Variants in PCSK2 observed in about 807,000 individuals in gnomAD.
The protein encoded by PCSK2 is neuroendocrine convertase 2.
In PCSK2, 14 loss-of-function variants were observed where a neutral mutation model predicts 69.7. The observed-to-expected ratio is 0.20, with a 90% CI of 0.13 to 0.31. The LOEUF (loss-of-function observed/expected upper bound fraction) is 0.31, where lower values mean the gene tolerates loss of function less well. Ranked by LOEUF, PCSK2 falls within the 10% of genes least tolerant of loss-of-function variation. PCSK2 has a pLI of 1.00. For missense variants in PCSK2, 544 were observed against 842.5 expected (o/e 0.65, Z 4.39); for synonymous variants, 307 against 320.7 (o/e 0.96, Z 0.46).
intron 6 of PCSK2, among the ~76,000 whole-genome samples, chr20:17,414,250 G>T (rs2031944951): frequency 6.6e-6 from 1 of 152,068 alleles, no homozygotes; most frequent in South Asian, 2.1e-4. Context: ...CCAGGAGCTG[G>T]TTTTTTGAAA....
rs1038361252 is a variant in PCSK2, at chr20:17,369,184, G to C, written c.506-56G>C. ...GCACTTTCTTGGGCAGCTTTCCTGA[G>C]GACACAGTGGCAGGTATTAACCTTT... On this transcript the variant is annotated intron_variant, in intron 4 of 11. Coordinates refer to ENST00000262545, the MANE Select transcript of PCSK2 (RefSeq NM_002594.5). The C allele has an allele frequency of 7.3e-6, 11 of 1,515,224 alleles. No individual in the cohort carries two copies. The African/African-American group carries it at 1.2e-4, about 17-fold the overall frequency. 93.9% of individuals were successfully genotyped at this position (1,515,224 alleles called of 1,614,324 possible).
At chr20:17,465,238 G>A (rs1303151179) in intron 10 of PCSK2, 88 bp from the exon 11 acceptor site, 1 of 899,074 alleles carries the variant, frequency 1.1e-6, no homozygotes, top group Non-Finnish European at 1.8e-6. Context: ...TGTGTCCTGA[G>A]TAATATTTCT....
chr20:17,296,877 A>G (rs1988912692), intron 2 of PCSK2, among the ~76,000 whole-genome samples: 1 of 152,216 alleles, frequency 6.6e-6, no homozygotes, highest in South Asian at 2.1e-4. Context: ...AAGATCCTCC[A>G]TTCGTTGGAC....
intron 10 of PCSK2, among the ~76,000 whole-genome samples, chr20:17,462,682 TCAA>T (rs2033033253): frequency 6.6e-6 from 1 of 152,190 alleles, no homozygotes; most frequent in Admixed American, 6.5e-5. Context: ...TGGTAGACAC[TCAA>T]CAGACATCCA....
intron 8 of PCSK2, among the ~76,000 whole-genome samples, chr20:17,448,489 G>T (rs910118767): frequency 2.6e-5 from 4 of 152,170 alleles, no homozygotes; most frequent in African/African-American, 9.6e-5. Flanking sequence ...GCTTGTGAGA[G>T]GCTACTTAAG....
At chr20:17,417,698 G>A (rs565819207) in intron 6 of PCSK2, among the ~76,000 whole-genome samples, 20 of 152,206 alleles carry the variant, frequency 1.3e-4, no homozygotes, top group Non-Finnish European at 2.8e-4. Context: ...TGAATAAAGC[G>A]TCCCTTCCAT....
At chr20:17,365,740 A>C (rs935002769) in intron 4 of PCSK2, among the ~76,000 whole-genome samples, 4 of 152,256 alleles carry the variant, frequency 2.6e-5, no homozygotes, top group African/African-American at 9.6e-5. Context: ...ATAGGAAAGA[A>C]GAAAGGAGTA....
chr20:17,464,259 A>C (rs1600600736), intron 10 of PCSK2: 1 of 152,184 alleles, frequency 6.6e-6, no homozygotes, highest in South Asian at 2.1e-4. Context: ...CAGTCCCAAC[A>C]ACCTGTGCGA....
At position 17,229,227 on chromosome 20, in the gene PCSK2, T is replaced by C. The variant is rs149928662; in HGVS notation, c.177+1745T>C. 7.4e-3 allele frequency among the ~76,000 whole-genome samples: 1,130 copies of C among 151,922 alleles called. 5 individuals are homozygous for C. The highest frequency in any genetic ancestry group is 0.015 in the East Asian group (77 of 5,106). On this transcript the variant is annotated intron_variant, in intron 1 of 11. Coordinates refer to ENST00000262545, the MANE Select transcript of PCSK2 (RefSeq NM_002594.5). The stretch of plus-strand genomic sequence containing the variant: ...TTGAGGAAATTGGTTCAGAAAAGGG[T>C]GCGAGATAAAAACAGGCAAGGGCTT...
intron 5 of PCSK2, among the ~76,000 whole-genome samples, chr20:17,407,671 A>G (rs1424131181): frequency 6.6e-6 from 1 of 152,204 alleles, no homozygotes; most frequent in East Asian, 1.9e-4. Context: ...TGCGGGCCAG[A>G]TACAGAATTA....
intron 1 of PCSK2, 92 bp from the exon 2 acceptor site, chr20:17,260,148 G>A: frequency 1.3e-6 from 1 of 780,032 alleles, no homozygotes; most frequent in Non-Finnish European, 2.3e-6. Context: ...CCTACCCCAT[G>A]GAGCCCCTGC....
intron 1 of PCSK2, among the ~76,000 whole-genome samples, chr20:17,249,228 C>T (rs930866733): frequency 2.0e-5 from 3 of 152,116 alleles, no homozygotes; most frequent in Admixed American, 6.6e-5. Flanking sequence ...TGCATTAAGT[C>T]GGGCGCGGTG....
At chr20:17,277,790 G>A (rs1269125676) in intron 2 of PCSK2, among the ~76,000 whole-genome samples, 6 of 151,798 alleles carry the variant, frequency 4.0e-5, no homozygotes, top group Admixed American at 2.6e-4. Flanking sequence ...GCAACCTACA[G>A]AATGGGAGAA....
intron 11 of PCSK2, among the ~76,000 whole-genome samples, chr20:17,469,720 C>T (rs972721474): frequency 3.9e-5 from 6 of 152,158 alleles, no homozygotes; most frequent in African/African-American, 1.4e-4. Context: ...TGTGAGCTCA[C>T]AGTGCCATTA....
upstream of PCSK2, chr20:17,226,881 C>A (rs1463891936): frequency 7.0e-6 from 1 of 142,088 alleles, no homozygotes; most frequent in African/African-American, 2.5e-5. Context: ...CGGGGGCGGG[C>A]CCGGGGCGGC....
chr20:17,312,851 AC>A (rs1312523484), intron 2 of PCSK2, among the ~76,000 whole-genome samples: 2 of 152,132 alleles, frequency 1.3e-5, no homozygotes, highest in East Asian at 3.9e-4. Context: ...AGAATTCTAA[AC>A]TTCTTAGATT....
chr20:17,263,190 A>G, intron 2 of PCSK2: 1 of 932,420 alleles, frequency 1.1e-6, no homozygotes, highest in Non-Finnish European at 1.3e-6. Context: ...TCAGACCAGA[A>G]ATTTCAATGA....
intron 8 of PCSK2, among the ~76,000 whole-genome samples, chr20:17,445,858 G>A (rs1053714544): frequency 5.9e-5 from 9 of 152,230 alleles, no homozygotes; most frequent in Admixed American, 2.0e-4. Context: ...TGCCGTTACC[G>A]TCCTTCCTTT....
chr20:17,239,976 C>T lies in PCSK2; in HGVS notation c.177+12494C>T, dbSNP rs182568432. Among the ~76,000 whole-genome samples the T allele has an allele frequency of 1.3e-3, 192 of 150,746 alleles. 8 individuals are homozygous for T. The East Asian group carries it at 0.033, about 26-fold the overall frequency. ...TCAAGTGATTCTCCTGCCTCAGCCT[C>T]CCAAGTAGCTGGGAGTACAGGCGCA... On this transcript the variant is annotated intron_variant, in intron 1 of 11. Transcript: ENST00000262545.
Sources: allele counts gnomAD v4.1 joint callset (sites outside exome capture counted in the v4.1 genomes callset), GRCh38; gene constraint gnomAD v4.1.1; transcripts MANE v1.5; gene names NCBI Gene and HGNC (gene_info 2026-07-23, HGNC 2026-07-21).